CD247: variants seen among roughly 807,000 people sequenced by gnomAD.
The protein encoded by CD247 is CD247 molecule.
CD247 carries 13 observed loss-of-function variants against 30.0 expected under a neutral mutation model. That is an observed-to-expected ratio of 0.43 (90% CI 0.28 to 0.69). The LOEUF is 0.69. Ranked by LOEUF, CD247 falls within the 30% of genes least tolerant of loss-of-function variation. The probability of loss-of-function intolerance (pLI) is 0.16; values close to 1 mark genes in which losing one functional copy is unlikely to be tolerated. For missense variants in CD247, 193 were observed against 212.6 expected, an observed-to-expected ratio of 0.91 and a Z score of 0.57; for synonymous variants, 72 against 80.0, an observed-to-expected ratio of 0.90 and a Z score of 0.53.
At chr1:167,497,918 G>A (rs1402551317) in intron 1 of CD247, among the ~76,000 whole-genome samples, 1 of 152,172 alleles carries the variant, frequency 6.6e-6, no homozygotes, top group Non-Finnish European at 1.5e-5. Flanking sequence ...ATGCCCAAGG[G>A]AGAAGAAAAA....
At chr1:167,455,907 G>A (rs1211803540) in intron 1 of CD247, among the ~76,000 whole-genome samples, 1 of 152,184 alleles carries the variant, frequency 6.6e-6, no homozygotes, top group Admixed American at 6.5e-5. Context: ...CGGCTGGCCC[G>A]GCACACGAGC....
At chr1:167,433,329 C>T (rs1420982438) in intron 6 of CD247, among the ~76,000 whole-genome samples, 1 of 152,198 alleles carries the variant, frequency 6.6e-6, no homozygotes, top group Non-Finnish European at 1.5e-5. Context: ...GTCTAGGGCC[C>T]GCAGGACCTA....
At chr1:167,475,460 G>T (rs924349734) in intron 1 of CD247, among the ~76,000 whole-genome samples, 3 of 152,156 alleles carry the variant, frequency 2.0e-5, no homozygotes, top group Admixed American at 6.6e-5. Context: ...ACAAGGGTAA[G>T]TTTCTCTCTA....
At chr1:167,438,756 A>T in intron 3 of CD247, 106 bp from the exon 4 acceptor site, 4 of 867,726 alleles carry the variant, frequency 4.6e-6, no homozygotes, top group East Asian at 2.5e-5. Context: ...GCTCATAAAA[A>T]GAGGGGCAGG....
At chr1:167,436,285 A>C (rs1031445817) in intron 4 of CD247, among the ~76,000 whole-genome samples, 8 of 152,244 alleles carry the variant, frequency 5.3e-5, no homozygotes, top group African/African-American at 1.9e-4. Flanking sequence ...AAAAACTCTC[A>C]ACAAATTAGG....
intron 1 of CD247, among the ~76,000 whole-genome samples, chr1:167,449,175 C>T (rs1652243759): frequency 8.7e-5 from 1 of 11,482 alleles, no homozygotes; most frequent in Non-Finnish European, 1.3e-4. Flanking sequence ...TTTTTTGAGA[C>T]AGAGTCTCGC....
At chr1:167,476,421 T>C (rs189437311) in intron 1 of CD247, among the ~76,000 whole-genome samples, 1 of 152,342 alleles carries the variant, frequency 6.6e-6, no homozygotes, top group African/African-American at 2.4e-5. Context: ...TCTTTCTTTA[T>C]CTATAAAATA....
rs840016 is a variant in CD247, at chr1:167,439,433, C to T, written c.163-33G>A. The T allele has an allele frequency of 0.36, 586,781 of 1,610,448 alleles. 114,712 individuals carry two copies. The highest frequency in any genetic ancestry group is 0.48 in the Middle Eastern group (2,889 of 6,058). ...ACAGAAAGCAAAGCGCGTTACTGCT[C>T]CGCGAGGGCGCGCAGGGGAGCCGGG... On this transcript the variant is annotated intron_variant, in intron 2 of 7. Transcript: ENST00000362089.
At chr1:167,448,604 C>T (rs988114298) in intron 1 of CD247, 85 of 850,298 alleles carry the variant, frequency 1.0e-4, no homozygotes, top group African/African-American at 1.1e-4. Context: ...AACTGCAGAA[C>T]GACTCCAGCT....
At chr1:167,473,355 C>G (rs1305134531) in intron 1 of CD247, among the ~76,000 whole-genome samples, 1 of 152,210 alleles carries the variant, frequency 6.6e-6, no homozygotes, top group Non-Finnish European at 1.5e-5. Context: ...CTGAGGGCAG[C>G]TGCAACCTGC....
At chr1:167,472,577 G>A (rs571718577) in intron 1 of CD247, among the ~76,000 whole-genome samples, 13 of 152,160 alleles carry the variant, frequency 8.5e-5, no homozygotes, top group Admixed American at 4.6e-4. Context: ...ACAACGAAGC[G>A]AAGAATTCTG....
At chr1:167,501,873 G>A (rs1395107487) in intron 1 of CD247, among the ~76,000 whole-genome samples, 3 of 152,236 alleles carry the variant, frequency 2.0e-5, no homozygotes, top group Non-Finnish European at 2.9e-5. Flanking sequence ...CAGAGAAGAG[G>A]AGCACGCAGG....
rs1452757478 is a variant in CD247, at chr1:167,431,168, T to A, written c.*513A>T. On this transcript the variant is annotated 3_prime_UTR_variant, in exon 8 of 8. Transcript: ENST00000362089. Reference sequence around the variant, plus strand: ...TGCACCTGGCCTAGGCTCCTTTCCATCTGCCCCTCTGCCCGGCCCTCTCAC... The same window carrying A: ...TGCACCTGGCCTAGGCTCCTTTCCAACTGCCCCTCTGCCCGGCCCTCTCAC... The A allele has an allele frequency of 2.4e-6, 1 of 420,648 alleles. No homozygotes were observed. Among genetic ancestry groups the A allele is most frequent in the African/African-American group, 2.0e-5 (1 of 49,142 alleles). The allele number at this position is 420,648 out of a possible 1,614,324, so 26.1% of individuals were successfully genotyped here.
In CD247 at chr1:167,453,783, G is replaced by A. The variant is rs34245470; in HGVS notation, c.59-13016C>T. Reference sequence around the variant, plus strand: ...AGGAGTTTGAGACATAGCAAGACCCGTCTCTGCAAATAATGACAATAACAA... The same window carrying A: ...AGGAGTTTGAGACATAGCAAGACCCATCTCTGCAAATAATGACAATAACAA... On this transcript the variant is annotated intron_variant, in intron 1 of 7. Coordinates refer to ENST00000362089, the MANE Select transcript of CD247 (RefSeq NM_198053.3). Among the ~76,000 whole-genome samples, 799 of 152,186 alleles carry A rather than the reference G, an allele frequency of 5.3e-3. 6 individuals carry two copies. The highest frequency in any genetic ancestry group is 0.018 in the African/African-American group (752 of 41,518).
intron 1 of CD247, among the ~76,000 whole-genome samples, chr1:167,468,716 C>T (rs10918695): frequency 0.35 from 53,336 of 152,022 alleles, 10,479 homozygotes; most frequent in Admixed American, 0.44. Flanking sequence ...TAAAGGGAAA[C>T]CAAGGCTGAG....
At chr1:167,449,575 G>A (rs1459534901) in intron 1 of CD247, among the ~76,000 whole-genome samples, 1 of 152,158 alleles carries the variant, frequency 6.6e-6, no homozygotes, top group Non-Finnish European at 1.5e-5. Flanking sequence ...TTAATATGAT[G>A]GCAGATGGCT....
intron 1 of CD247, among the ~76,000 whole-genome samples, chr1:167,469,556 T>C (rs1653414136): frequency 6.6e-6 from 1 of 152,212 alleles, no homozygotes. Context: ...CTCTGCATTT[T>C]TTAATCTGAC....
intron 1 of CD247, among the ~76,000 whole-genome samples, chr1:167,454,265 G>T (rs1441608002): frequency 1.3e-5 from 2 of 152,114 alleles, no homozygotes; most frequent in Non-Finnish European, 2.9e-5. Flanking sequence ...TGTCATCCAC[G>T]GTTACTTCTG....
intron 1 of CD247, among the ~76,000 whole-genome samples, chr1:167,447,083 C>T (rs369134257): frequency 7.1e-4 from 107 of 151,746 alleles, no homozygotes; most frequent in African/African-American, 2.5e-3. Context: ...GAGAACTCCT[C>T]ACTTCACAAA....
Sources: gnomAD v4.1 joint callset for allele counts (sites outside exome capture counted in the v4.1 genomes callset) on GRCh38, gnomAD v4.1.1 for gene constraint, MANE v1.5 for transcripts, NCBI Gene and HGNC (gene_info 2026-07-23, HGNC 2026-07-21) for gene names.